WWOX: variants seen among roughly 807,000 people sequenced by gnomAD.
The protein encoded by WWOX is WW domain containing oxidoreductase, also known as WW domain-containing oxidoreductase.
Under a neutral mutation model 46.2 loss-of-function variants are expected in WWOX, and 69 were observed. The ratio of observed to expected loss-of-function variants is 1.49; its 90% confidence interval spans 1.23 to 1.82. WWOX has a LOEUF of 1.82. Ranked by LOEUF, WWOX falls within the 40% of genes most tolerant of loss-of-function variation. The probability of loss-of-function intolerance (pLI) is 0.00; values close to 1 mark genes in which losing one functional copy is unlikely to be tolerated. For synonymous variants in WWOX, 359 were observed against 202.6 expected (o/e 1.77, Z -6.56); for missense variants, 919 against 542.6 (o/e 1.69, Z -6.89).
chr16:78,876,787 A>G (rs1454140490), intron 8 of WWOX, among the ~76,000 whole-genome samples: 6 of 152,154 alleles, frequency 3.9e-5, no homozygotes, highest in Non-Finnish European at 7.3e-5. Context: ...AATGCCTTAA[A>G]CACCTCATCT....
chr16:78,925,795 A>G (rs1293305589), intron 8 of WWOX, among the ~76,000 whole-genome samples: 2 of 152,190 alleles, frequency 1.3e-5, no homozygotes, highest in Admixed American at 6.5e-5. Flanking sequence ...GGCCAATAAG[A>G]AAGCAGTGCT....
intron 8 of WWOX, among the ~76,000 whole-genome samples, chr16:78,732,970 T>C (rs1347776297): frequency 1.3e-5 from 2 of 152,210 alleles, no homozygotes; most frequent in Non-Finnish European, 2.9e-5. Context: ...GATGGCTCTT[T>C]ATTTCCTTCT....
At chr16:78,951,464 GGATCCCCTT>G (rs1212593318) in intron 8 of WWOX, among the ~76,000 whole-genome samples, 1 of 150,232 alleles carries the variant, frequency 6.7e-6, no homozygotes. Context: ...CATGGGAGCG[GGATCCCCTT>G]GATCCACACC....
intron 8 of WWOX, among the ~76,000 whole-genome samples, chr16:78,769,786 C>T (rs903104666): frequency 2.0e-5 from 3 of 151,324 alleles, no homozygotes; most frequent in Middle Eastern, 6.8e-3. Flanking sequence ...GTGGAAGGAT[C>T]GCCTGAGTCC....
chr16:78,501,193 C>CTTTTTTT (rs1218791135), intron 8 of WWOX, among the ~76,000 whole-genome samples: 1 of 90,954 alleles, frequency 1.1e-5, no homozygotes, highest in African/African-American at 3.4e-5. Context: ...CTTTCTTTCT[C>CTTTTTTT]TTTTTTTTTT....
At chr16:78,512,332 G>T (rs2085382116) in intron 8 of WWOX, among the ~76,000 whole-genome samples, 1 of 152,160 alleles carries the variant, frequency 6.6e-6, no homozygotes, top group Non-Finnish European at 1.5e-5. Context: ...AATGCACTAT[G>T]ATGATAATAT....
At chr16:78,242,245 A>G (rs1254879108) in intron 5 of WWOX, among the ~76,000 whole-genome samples, 1 of 152,166 alleles carries the variant, frequency 6.6e-6, no homozygotes, top group Non-Finnish European at 1.5e-5. Flanking sequence ...ATAATTCTGG[A>G]TATTGTTTCT....
chr16:78,470,358 G>C (rs993534514), intron 8 of WWOX, among the ~76,000 whole-genome samples: 1 of 152,166 alleles, frequency 6.6e-6, no homozygotes, highest in Non-Finnish European at 1.5e-5. Flanking sequence ...TGTATTGTTT[G>C]TTTAAAATCA....
rs199628364 is a variant in WWOX, at chr16:78,424,953, A to C, written c.689A>C (p.Gln230Pro). ...AAAGATGGCCTGGAGACCACCTTTC[A>C]AGTGAATCATCTGGGGCACTTCTAC... is the stretch of plus-strand genomic sequence containing the variant. ...LTKDGLETTF[Q>P]VNHLGHFYLV... The change falls in exon 7 of 9, where the codon CAA becomes CCA. Residue 230 changes from glutamine (Q) to proline (P), a missense_variant. Coordinates refer to ENST00000566780, the MANE Select transcript of WWOX (RefSeq NM_016373.4). The C allele has an allele frequency of 1.6e-5, 26 of 1,613,980 alleles. No homozygotes were observed. The highest frequency in any genetic ancestry group is 3.3e-5 in the Admixed American group (2 of 60,004).
At chr16:78,950,444 G>T (rs940509367) in intron 8 of WWOX, among the ~76,000 whole-genome samples, 2 of 151,788 alleles carry the variant, frequency 1.3e-5, no homozygotes, top group Admixed American at 1.3e-4. Flanking sequence ...AAAAGATGTT[G>T]GGTTGGAAAG....
chr16:78,198,077 G>A (rs1033656305), intron 5 of WWOX, among the ~76,000 whole-genome samples: 1 of 151,964 alleles, frequency 6.6e-6, no homozygotes, highest in Non-Finnish European at 1.5e-5. Context: ...CTGTCTCCTG[G>A]TAGCGGTTGG....
intron 5 of WWOX, among the ~76,000 whole-genome samples, chr16:78,370,229 C>G (rs1340321740): frequency 6.6e-6 from 1 of 150,462 alleles, no homozygotes; most frequent in Non-Finnish European, 1.5e-5. Flanking sequence ...TCTTTACAAT[C>G]TGGGGCAAGT....
intron 8 of WWOX, among the ~76,000 whole-genome samples, chr16:78,919,748 C>G (rs139399284): frequency 1.9e-4 from 29 of 152,200 alleles, no homozygotes; most frequent in Non-Finnish European, 3.4e-4. Flanking sequence ...AACTCGTGAC[C>G]TCATGATCCA....
chr16:78,916,838 C>A (rs952667443), intron 8 of WWOX, among the ~76,000 whole-genome samples: 2 of 152,156 alleles, frequency 1.3e-5, no homozygotes, highest in Non-Finnish European at 2.9e-5. Context: ...CAGTGTTAAA[C>A]CCTTTCGATA....
intron 8 of WWOX, among the ~76,000 whole-genome samples, chr16:78,920,274 A>G (rs557400876): frequency 2.0e-5 from 3 of 152,358 alleles, no homozygotes; most frequent in African/African-American, 4.8e-5. Context: ...CTGGCCAAAC[A>G]CAGTGACCTG....
intron 5 of WWOX, among the ~76,000 whole-genome samples, chr16:78,309,299 G>A (rs143172287): frequency 1.3e-5 from 2 of 152,302 alleles, no homozygotes; most frequent in African/African-American, 4.8e-5. Context: ...CTGCCGCTTT[G>A]TGAACCTGGT....
intron 6 of WWOX, among the ~76,000 whole-genome samples, chr16:78,417,946 C>G (rs1237340987): frequency 1.3e-5 from 2 of 152,170 alleles, no homozygotes; most frequent in Non-Finnish European, 2.9e-5. Flanking sequence ...TGAATTATTC[C>G]TTAATAAGAT....
intron 8 of WWOX, among the ~76,000 whole-genome samples, chr16:78,468,798 T>C (rs982462648): frequency 2.0e-5 from 3 of 152,222 alleles, no homozygotes; most frequent in Admixed American, 1.3e-4. Context: ...ATCTATATTC[T>C]GATTTCAGCA....
intron 5 of WWOX, among the ~76,000 whole-genome samples, chr16:78,384,688 T>A (rs1414084196): frequency 6.6e-6 from 1 of 152,130 alleles, no homozygotes; most frequent in Non-Finnish European, 1.5e-5. Flanking sequence ...GGTTCATGTT[T>A]CTCCTCCTCG....
Sources: gnomAD v4.1 joint callset for allele counts (sites outside exome capture counted in the v4.1 genomes callset) on GRCh38, gnomAD v4.1.1 for gene constraint, MANE v1.5 for transcripts, NCBI Gene and HGNC (gene_info 2026-07-23, HGNC 2026-07-21) for gene names.